The following BCCIP variants were observed in gnomAD, a reference collection of about 807,000 sequenced individuals.
The protein encoded by BCCIP is BRCA2 and CDKN1A interacting protein, also known as BRCA2 and CDKN1A-interacting protein.
In BCCIP, 23 loss-of-function variants were observed where a neutral mutation model predicts 32.8. The observed-to-expected ratio is 0.70, with a 90% CI of 0.51 to 0.99. The LOEUF is 0.99. BCCIP is among the 50% of genes least tolerant of loss of function. The probability of loss-of-function intolerance (pLI) is 0.00; values close to 1 mark genes in which losing one functional copy is unlikely to be tolerated. For synonymous variants in BCCIP, 144 were observed against 137.6 expected (o/e 1.05, Z -0.33); for missense variants, 378 against 379.8 (o/e 1.00, Z 0.04).
intron 3 of BCCIP, among the ~76,000 whole-genome samples, chr10:125,827,927 G>A (rs1022981385): frequency 2.2e-4 from 31 of 139,270 alleles, no homozygotes; most frequent in Non-Finnish European, 2.3e-4. Flanking sequence ...GCTTTGTGCC[G>A]CTGCACTCTA....
chr10:125,840,503 G>A (rs1032581847), downstream of BCCIP, among the ~76,000 whole-genome samples: 3 of 152,262 alleles, frequency 2.0e-5, no homozygotes, highest in Non-Finnish European at 4.4e-5. Flanking sequence ...CAGTGGGCAC[G>A]TAGAGGTGGC....
downstream of BCCIP, among the ~76,000 whole-genome samples, chr10:125,840,423 A>T (rs1226639602): frequency 4.6e-5 from 7 of 152,202 alleles, no homozygotes; most frequent in Non-Finnish European, 5.9e-5. Flanking sequence ...TAGTATCTGG[A>T]GCTCTGCAGC....
rs767850600 is a variant in BCCIP at position 125,852,264 on chromosome 10, G to T, written c.851-861G>T. ...AGGAGAAGGTGAATCTCAGCCTAAT[G>T]CCTGGCTGACATGGGAGCATAAGGC... On this transcript the variant is annotated intron_variant, in intron 7 of 7. Coordinates refer to the BCCIP transcript ENST00000368759. The T allele has an allele frequency of 5.0e-6, 8 of 1,608,550 alleles. No individual in the cohort carries two copies. The African/African-American group carries it at 8.0e-5, about 16-fold the overall frequency.
chr10:125,849,237 C>G (rs963067261), intron 7 of BCCIP, among the ~76,000 whole-genome samples: 2 of 152,176 alleles, frequency 1.3e-5, no homozygotes, highest in Non-Finnish European at 2.9e-5. Context: ...TGAGCCACAG[C>G]CATCTTTCCG....
chr10:125,839,683 GAATT>G (rs778451284), downstream of BCCIP, among the ~76,000 whole-genome samples: 2 of 152,268 alleles, frequency 1.3e-5, no homozygotes, highest in South Asian at 2.1e-4. Flanking sequence ...GTTGATTTGG[GAATT>G]AATTATGTTA....
intron 7 of BCCIP, chr10:125,852,489 G>A (rs1944103710): frequency 1.9e-6 from 3 of 1,613,364 alleles, no homozygotes; most frequent in African/African-American, 1.3e-5. Context: ...AATATTTCTG[G>A]GTTGCCTGCA....
intron 3 of BCCIP, 80 bp downstream of exon 3, chr10:125,827,718 C>A: frequency 8.8e-7 from 1 of 1,140,150 alleles, no homozygotes; most frequent in Admixed American, 1.9e-5. Context: ...GCTTGTAATC[C>A]CAGCACTTTG....
At chr10:125,852,539 C>T (rs1944104502) in intron 7 of BCCIP, 1 of 1,613,416 alleles carries the variant, frequency 6.2e-7, no homozygotes, top group East Asian at 2.2e-5. Context: ...GTCCACAGCA[C>T]TACCTGAAGA....
chr10:125,838,950 G>A (rs375640413), downstream of BCCIP: 47 of 1,547,114 alleles, frequency 3.0e-5, no homozygotes, highest in Admixed American at 8.1e-4. Flanking sequence ...CATATCCTGA[G>A]TATGTGCAAT....
chr10:125,845,370 C>T (rs922426740), downstream of BCCIP, among the ~76,000 whole-genome samples: 4 of 152,194 alleles, frequency 2.6e-5, no homozygotes, highest in African/African-American at 7.2e-5. Context: ...CACTGAATTT[C>T]CTCTCAAGGT....
downstream of BCCIP, among the ~76,000 whole-genome samples, chr10:125,845,474 GGA>G (rs1293206461): frequency 6.6e-6 from 1 of 152,302 alleles, no homozygotes; most frequent in East Asian, 1.9e-4. Flanking sequence ...AATATGCATA[GGA>G]GAGAGAACAT....
downstream of BCCIP, chr10:125,836,777 C>G (rs751893829): frequency 1.5e-5 from 24 of 1,614,100 alleles, 1 homozygote; most frequent in Middle Eastern, 2.3e-3. Context: ...ATAGGTGATC[C>G]ACTACTTGCT....
At chr10:125,853,109 A>G (rs749784351) in intron 7 of BCCIP, 10 of 1,571,978 alleles carry the variant, frequency 6.4e-6, no homozygotes, top group Admixed American at 3.5e-5. Context: ...GGCACTAACA[A>G]TGATTTTCCT....
rs527719768 is a variant in BCCIP, at chr10:125,842,673, G to T, written c.*1314G>T. 9.3e-5 allele frequency: 20 copies of T among 213,926 alleles called. No individual in the cohort carries two copies. The South Asian group carries it at 3.2e-3, about 34-fold the overall frequency. 13.3% of individuals were successfully genotyped at this position (213,926 alleles called of 1,614,324 possible). A position where few individuals can be genotyped will look rare whatever the true frequency, so the allele number is the denominator to read the frequency against. ...ACAATGTCTAGCATCCAGTAGAGAGGCATGAAAAGCAGGAAAATACATTGC... is the reference window on the plus strand; with the variant it reads ...ACAATGTCTAGCATCCAGTAGAGAGTCATGAAAAGCAGGAAAATACATTGC... On this transcript the variant is annotated 3_prime_UTR_variant, in exon 7 of 7. Transcript: ENST00000299130.
chr10:125,839,277 T>A (rs1854800169), downstream of BCCIP: 15 of 1,353,594 alleles, frequency 1.1e-5, no homozygotes, highest in Non-Finnish European at 1.4e-5. Context: ...CTTTAAGCCC[T>A]GTGCTCTCCT....
At chr10:125,841,068 AG>A (rs1459526076), downstream of BCCIP, 1 of 1,520,730 alleles carries the variant, frequency 6.6e-7, no homozygotes, top group Non-Finnish European at 8.9e-7. Context: ...TGCAGAGGGG[AG>A]GGGTCACGAC....
intron 5 of BCCIP, among the ~76,000 whole-genome samples, chr10:125,832,812 T>C (rs951070121): frequency 6.9e-5 from 8 of 115,250 alleles, no homozygotes; most frequent in African/African-American, 2.3e-4. Context: ...CTTTTTTTTT[T>C]TCTTTTTTTT....
At chr10:125,845,324 T>C (rs1285424378), downstream of BCCIP, among the ~76,000 whole-genome samples, 3 of 152,358 alleles carry the variant, frequency 2.0e-5, no homozygotes, top group Admixed American at 2.0e-4. Context: ...ATCTTTGGCC[T>C]ACTTTCTGCC....
At chr10:125,838,889 T>A (rs898235821), downstream of BCCIP, 18 of 1,233,448 alleles carry the variant, frequency 1.5e-5, no homozygotes, top group African/African-American at 1.7e-4. Flanking sequence ...ATAACATGGA[T>A]TTTTAGTTTT....
Sources: allele counts gnomAD v4.1 joint callset (sites outside exome capture counted in the v4.1 genomes callset), GRCh38; gene constraint gnomAD v4.1.1; transcripts MANE v1.5; gene names NCBI Gene and HGNC (gene_info 2026-07-23, HGNC 2026-07-21).